The following NRXN3 variants were observed in gnomAD, a reference collection of about 807,000 sequenced individuals.
The protein encoded by NRXN3 is neurexin III.
A neutral mutation model predicts 137.6 loss-of-function variants in NRXN3; 32 were observed. The ratio of observed to expected loss-of-function variants is 0.23; its 90% CI spans 0.18 to 0.31. The LOEUF is 0.31. Among genes scored for constraint, NRXN3 ranks in the 10% least tolerant of loss-of-function variants. The pLI, the probability that NRXN3 is intolerant of heterozygous loss-of-function variation, is 1.00. For missense variants in NRXN3, 1,574 were observed against 2,062.5 expected (o/e 0.76, Z 4.59); for synonymous variants, 798 against 784.5 (o/e 1.02, Z -0.29).
intron 17 of NRXN3, among the ~76,000 whole-genome samples, chr14:79,664,746 G>A (rs915209201): frequency 1.3e-5 from 2 of 152,100 alleles, no homozygotes; most frequent in Non-Finnish European, 2.9e-5. Flanking sequence ...AGTCCTGAAT[G>A]CTGATCGTAA....
rs10136237 is a variant in NRXN3, at chr14:79,038,838, G to A, written c.3262+50697G>A. 3.7e-3 allele frequency among the ~76,000 whole-genome samples: 556 copies of A among 152,152 alleles called. 2 individuals are homozygous for A. Among genetic ancestry groups the A allele is most frequent in the African/African-American group, 0.013 (535 of 41,514 alleles). ...GGAATCCCTCGCTACCTGGCCTTTC[G>A]TTCCCTGGTTCCATCTGGATCTCTG... is the stretch of plus-strand genomic sequence containing the variant. On this transcript the variant is annotated intron_variant, in intron 15 of 20. Coordinates refer to ENST00000335750, the MANE Select transcript of NRXN3 (RefSeq NM_001330195.2).
chr14:78,305,554 T>C (rs2077284741), intron 4 of NRXN3, among the ~76,000 whole-genome samples: 4 of 152,176 alleles, frequency 2.6e-5, no homozygotes, highest in Admixed American at 2.6e-4. Context: ...TTCATGTAGA[T>C]TGCATTTTAC....
chr14:79,261,997 C>T (rs1207445506), intron 15 of NRXN3, among the ~76,000 whole-genome samples: 1 of 151,844 alleles, frequency 6.6e-6, no homozygotes, highest in African/African-American at 2.4e-5. Context: ...TCCTTGGAGC[C>T]CAGATTATAT....
chr14:78,335,875 T>A (rs2081401801), intron 4 of NRXN3, among the ~76,000 whole-genome samples: 1 of 152,202 alleles, frequency 6.6e-6, no homozygotes, highest in African/African-American at 2.4e-5. Context: ...GGGAAAAGCC[T>A]GAGTCTAGAG....
chr14:79,434,085 G>A lies in NRXN3; in HGVS notation c.3263-33136G>A, dbSNP rs546755285. On this transcript the variant is annotated intron_variant, in intron 15 of 20. Coordinates refer to ENST00000335750, the MANE Select transcript of NRXN3 (RefSeq NM_001330195.2). The stretch of plus-strand genomic sequence containing the variant: ...TTGCTAGAGGTTAAGCAACACTGTG[G>A]GCTCACCTGTAGCACGTAGCACTAA... Among the ~76,000 whole-genome samples, 11 of 152,208 alleles carry A rather than the reference G, an allele frequency of 7.2e-5. No individual in the cohort carries two copies. In the East Asian group the frequency reaches 2.1e-3, roughly 29 times the overall value.
At position 79,453,061 on chromosome 14, in the gene NRXN3, G is replaced by A. The variant is rs534609835; in HGVS notation, c.3263-14160G>A. Reference sequence around the variant, plus strand: ...TTGATCTCTTATGTGGCTCTTGGCTGTAGACTATCTTTGTTTTAAGAAGAG... The same window carrying A: ...TTGATCTCTTATGTGGCTCTTGGCTATAGACTATCTTTGTTTTAAGAAGAG... On this transcript the variant is annotated intron_variant, in intron 15 of 20. Coordinates refer to ENST00000335750, the MANE Select transcript of NRXN3 (RefSeq NM_001330195.2). 2.0e-5 allele frequency among the ~76,000 whole-genome samples: 3 copies of A among 152,274 alleles called. No homozygotes were observed. The East Asian group carries it at 5.8e-4, about 29-fold the overall frequency.
rs543286662 is a variant in NRXN3, at chr14:79,653,057, C to T, written c.3445-10721C>T. ...ACTATCTCCAGGACACACACACACA[C>T]ACCAGAGTCCCCACGTGCAGACAGG... is the stretch of plus-strand genomic sequence containing the variant. On this transcript the variant is annotated intron_variant, in intron 16 of 20. Coordinates refer to ENST00000335750, the MANE Select transcript of NRXN3 (RefSeq NM_001330195.2). Among the ~76,000 whole-genome samples the T allele has an allele frequency of 6.6e-5, 10 of 152,098 alleles. No homozygotes were observed. In the Middle Eastern group the frequency reaches 0.01, roughly 155 times the overall value.
intron 19 of NRXN3, among the ~76,000 whole-genome samples, chr14:79,759,375 GA>G (rs963336092): frequency 2.6e-5 from 4 of 151,076 alleles, no homozygotes; most frequent in African/African-American, 9.8e-5. Flanking sequence ...GTTTTTACAA[GA>G]AAAAAAGCCC....
chr14:79,794,314 A>G lies in NRXN3; in HGVS notation c.4015-10798A>G, dbSNP rs111524853. On this transcript the variant is annotated intron_variant, in intron 19 of 20. Coordinates refer to ENST00000335750, the MANE Select transcript of NRXN3 (RefSeq NM_001330195.2). ...GGGAGGCGGAGGTTGCAGTGAGCCA[A>G]GATGGTACCGCTGCACTCCAGCCTG... Among the ~76,000 whole-genome samples, 1,153 of 152,262 alleles carry G rather than the reference A, an allele frequency of 7.6e-3. 14 individuals carry two copies. The highest frequency in any genetic ancestry group is 0.026 in the African/African-American group (1,094 of 41,546).
chr14:79,575,247 T>G (rs2097653311), intron 16 of NRXN3, among the ~76,000 whole-genome samples: 1 of 152,086 alleles, frequency 6.6e-6, no homozygotes, highest in Admixed American at 6.6e-5. Context: ...AGAAAACTTC[T>G]TAGGCTTGCT....
chr14:78,201,822 G>T (rs753502558), intron 1 of NRXN3, among the ~76,000 whole-genome samples: 2 of 152,158 alleles, frequency 1.3e-5, no homozygotes, highest in African/African-American at 4.8e-5. Flanking sequence ...GCTGTCAGCC[G>T]CTCCGACATG....
At chr14:79,842,674 A>G (rs767060365) in intron 20 of NRXN3, among the ~76,000 whole-genome samples, 3 of 152,228 alleles carry the variant, frequency 2.0e-5, no homozygotes, top group Non-Finnish European at 2.9e-5. Context: ...ATATATATAT[A>G]GTAAAATAGT....
At chr14:79,320,981 C>G (rs1292417834) in intron 15 of NRXN3, among the ~76,000 whole-genome samples, 1 of 151,974 alleles carries the variant, frequency 6.6e-6, no homozygotes, top group African/African-American at 2.4e-5. Context: ...TTGAATGAAT[C>G]TATTTTTTAT....
chr14:78,393,256 G>A (rs2091006922), intron 4 of NRXN3, among the ~76,000 whole-genome samples: 1 of 151,778 alleles, frequency 6.6e-6, no homozygotes, highest in African/African-American at 2.4e-5. Flanking sequence ...GCAGCTGTAA[G>A]AAATAATATA....
intron 4 of NRXN3, among the ~76,000 whole-genome samples, chr14:78,347,901 A>G (rs935306986): frequency 9.2e-5 from 14 of 152,128 alleles, no homozygotes; most frequent in African/African-American, 3.4e-4. Flanking sequence ...GGGAAATACA[A>G]AGAAGAGTGG....
At chr14:78,860,249 G>T (rs2099068855) in intron 10 of NRXN3, among the ~76,000 whole-genome samples, 1 of 152,162 alleles carries the variant, frequency 6.6e-6, no homozygotes, top group East Asian at 1.9e-4. Context: ...TATTACATAG[G>T]TATTTTTACT....
chr14:79,769,427 A>G (rs574540675), intron 19 of NRXN3, among the ~76,000 whole-genome samples: 15 of 152,280 alleles, frequency 9.9e-5, no homozygotes, highest in Non-Finnish European at 1.6e-4. Context: ...CAGATCTCTC[A>G]GCAGAAACTC....
intron 4 of NRXN3, among the ~76,000 whole-genome samples, chr14:78,613,150 A>G (rs1015372361): frequency 6.6e-6 from 1 of 151,710 alleles, no homozygotes; most frequent in Non-Finnish European, 1.5e-5. Context: ...TGACTCCTTT[A>G]ACTTGTTTAA....
chr14:78,983,044 A>C (rs1000953040), intron 14 of NRXN3, among the ~76,000 whole-genome samples: 1 of 152,190 alleles, frequency 6.6e-6, no homozygotes, highest in Non-Finnish European at 1.5e-5. Flanking sequence ...AATGCTCAAC[A>C]TCACTCATCT....
Sources: gnomAD v4.1 joint callset for allele counts (sites outside exome capture counted in the v4.1 genomes callset) on GRCh38, gnomAD v4.1.1 for gene constraint, MANE v1.5 for transcripts, NCBI Gene and HGNC (gene_info 2026-07-23, HGNC 2026-07-21) for gene names.